Variants in DNAH2 observed in about 807,000 individuals in gnomAD.
The protein encoded by DNAH2 is axonemal beta dynein heavy chain 2.
Under a neutral mutation model 523.5 loss-of-function variants are expected in DNAH2, and 323 were observed. The observed-to-expected ratio is 0.62, with a 90% CI of 0.56 to 0.68. DNAH2 has a LOEUF of 0.68. Among genes scored for constraint, DNAH2 ranks in the 30% least tolerant of loss-of-function variants. The probability of loss-of-function intolerance (pLI) is 0.00; values close to 1 mark genes in which losing one functional copy is unlikely to be tolerated. For synonymous variants in DNAH2, 2,093 were observed against 2,177.4 expected (o/e 0.96, Z 1.08); for missense variants, 4,907 against 5,701.5 (o/e 0.86, Z 4.49).
chr17:7,795,650 A>AAT (rs1246942689), intron 49 of DNAH2, among the ~76,000 whole-genome samples: 2,687 of 97,636 alleles, frequency 0.028, 87 homozygotes, highest in African/African-American at 0.069. Context: ...CACCAGCTTG[A>AAT]ATATATATAT....
chr17:7,720,537 T>C (rs1403610016), intron 2 of DNAH2, among the ~76,000 whole-genome samples: 1 of 152,126 alleles, frequency 6.6e-6, no homozygotes, highest in Non-Finnish European at 1.5e-5. Context: ...CCGGAGCCAG[T>C]AAGGTTGGAA....
chr17:7,776,457 C>T (rs1210245794), intron 31 of DNAH2, among the ~76,000 whole-genome samples: 1 of 151,902 alleles, frequency 6.6e-6, no homozygotes, highest in African/African-American at 2.4e-5. Flanking sequence ...CAAAGCAAGA[C>T]TCTGTCTAAA....
At position 7,831,128 on chromosome 17, in the gene DNAH2, C is replaced by G. The variant is rs751710843; in HGVS notation, c.12273C>G (p.Ser4091Arg). The G allele has an allele frequency of 1.9e-6, 3 of 1,614,056 alleles. No individual in the cohort carries two copies. Among genetic ancestry groups the G allele is most frequent in the South Asian group, 2.2e-5 (2 of 91,082 alleles). Residue 4091 changes from serine to arginine, a missense_variant, in exon 80 of 86, where the codon AGC becomes AGG. Around this residue, in one of 3 missense-constraint regions of DNAH2, gnomAD observed 1,851 missense variants for 2,139.4 expected, o/e 0.87. Transcript: ENST00000572933. The surrounding 1 kb of genome is among the most constrained non-coding windows in gnomAD (Gnocchi z 4.2). Reference protein sequence around the residue: ...LETYFIPKDGSLASYKEYISL... With the variant: ...LETYFIPKDGRLASYKEYISL... ...CTTATTTCATCCCCAAGGATGGCAG[C>G]CTCGCTTCTTACAAGGAATACATCA...
At chr17:7,815,761 C>T (rs558491850) in intron 63 of DNAH2, among the ~76,000 whole-genome samples, 1 of 152,160 alleles carries the variant, frequency 6.6e-6, no homozygotes, top group African/African-American at 2.4e-5. Flanking sequence ...GGATCACACA[C>T]ACATATACAG....
intron 63 of DNAH2, among the ~76,000 whole-genome samples, chr17:7,811,252 A>G (rs2077509723): frequency 6.6e-6 from 1 of 152,254 alleles, no homozygotes; most frequent in South Asian, 2.1e-4. Context: ...CGCTCCAATA[A>G]TAACAATATA....
rs780947020 is a variant in DNAH2, at chr17:7,823,877, C to T, written c.11373C>T (p.Ile3791=). 3.1e-6 allele frequency: 5 copies of T among 1,614,160 alleles called. No homozygotes were observed. The highest frequency in any genetic ancestry group is 1.7e-5 in the Admixed American group (1 of 60,024). ...GCAATGAAATGCAACGGATGCTGAT[C>T]GTTCGCTCCCTGCGCCAGGACCGCG... is the stretch of plus-strand genomic sequence containing the variant. The part of the protein sequence containing the change: ...NACNEMQRML[I]VRSLRQDRVA... Residue 3791 remains isoleucine (I), a synonymous_variant, in exon 75 of 86, where the codon ATC becomes ATT. Coordinates refer to ENST00000572933, the MANE Select transcript of DNAH2 (RefSeq NM_020877.5).
Position 7,798,018 on chromosome 17 carries a change from G to A in DNAH2, c.8231-139G>A. ...AGGTTAAAAGTTGAATTGCCTCCTG[G>A]GCCTTGGGCACCAACTTCTTCTCAT... On this transcript the variant is annotated intron_variant, in intron 53 of 85. Coordinates refer to ENST00000572933, the MANE Select transcript of DNAH2 (RefSeq NM_020877.5). This position sits in a 1 kb window ranked among gnomAD's most constrained non-coding sequence, Gnocchi z 5.5. The A allele has an allele frequency of 7.3e-7, 1 of 1,371,518 alleles. No homozygotes were observed. Among genetic ancestry groups the A allele is most frequent in the African/African-American group, 1.5e-5 (1 of 68,912 alleles). 85.0% of individuals were successfully genotyped at this position (1,371,518 alleles called of 1,614,324 possible).
chr17:7,730,815 T>A (rs1207911712), intron 4 of DNAH2, among the ~76,000 whole-genome samples: 2 of 149,332 alleles, frequency 1.3e-5, no homozygotes, highest in South Asian at 2.1e-4. Context: ...AAAAAAAATT[T>A]AAAATTTAAA....
At chr17:7,757,356 C>CT (rs2075873262) in intron 13 of DNAH2, 119 bp downstream of exon 13, 1 of 1,313,984 alleles carries the variant, frequency 7.6e-7, no homozygotes, top group Non-Finnish European at 1.0e-6. Context: ...TCTTTTCCAT[C>CT]TCAAAAAAAA....
chr17:7,803,550 A>G (rs942486658), intron 58 of DNAH2, among the ~76,000 whole-genome samples: 8 of 152,124 alleles, frequency 5.3e-5, no homozygotes, highest in African/African-American at 1.9e-4. Context: ...GGTGCCTGTA[A>G]TGCCAGCTAC....
At chr17:7,782,284 G>T (rs1469614469) in intron 39 of DNAH2, among the ~76,000 whole-genome samples, 9 of 152,202 alleles carry the variant, frequency 5.9e-5, no homozygotes, top group Admixed American at 5.9e-4. Flanking sequence ...ATACAGGAAA[G>T]AAACTTGCTT....
At chr17:7,768,476 T>G (rs1307308186) in intron 24 of DNAH2, among the ~76,000 whole-genome samples, 1 of 152,238 alleles carries the variant, frequency 6.6e-6, no homozygotes, top group Non-Finnish European at 1.5e-5. Flanking sequence ...GCATAATGTT[T>G]TGAAATATGT....
At position 7,819,063 on chromosome 17, in the gene DNAH2, G is replaced by T; in HGVS notation, c.10815G>T (p.Glu3605Asp). ...TTEINTDLAR[E>D]AYRPCAQRAS... is the part of the protein sequence containing the mutation. ...AGATCAACACTGACTTGGCGCGGGA[G>T]GTAAGCTCCCGGCCCTCCAGTCCTG... Residue 3605 changes from glutamate to aspartate, a missense_variant and splice_region_variant, in exon 71 of 86, where the codon GAG (glutamate) becomes GAT (aspartate). By Grantham distance (45) the Glu-to-Asp change is conservative. Transcript: ENST00000572933. 6.2e-7 allele frequency: 1 copy of T among 1,604,034 alleles called. No homozygotes were observed.
At chr17:7,740,099 G>T (rs2075268705) in intron 9 of DNAH2, among the ~76,000 whole-genome samples, 161 bp downstream of exon 9, 1 of 144,938 alleles carries the variant, frequency 6.9e-6, no homozygotes, top group South Asian at 2.4e-4. Context: ...GCAGGGGAGG[G>T]GGGTGGCAGC....
At chr17:7,723,880 C>G (rs2074711698) in intron 3 of DNAH2, among the ~76,000 whole-genome samples, 191 bp downstream of exon 3, 1 of 152,164 alleles carries the variant, frequency 6.6e-6, no homozygotes, top group South Asian at 2.1e-4. Context: ...TTCGCCAGGA[C>G]AGAGGAGGGC....
At chr17:7,759,212 T>C in intron 15 of DNAH2, 88 bp downstream of exon 15, 1 of 1,564,926 alleles carries the variant, frequency 6.4e-7, no homozygotes. Flanking sequence ...CCGACCCTTT[T>C]TTCTTTTTTA....
At position 7,760,612 on chromosome 17, in the gene DNAH2, C is replaced by G; in HGVS notation, c.2786-128C>G. 2 of 808,242 alleles carry G rather than the reference C, an allele frequency of 2.5e-6. No individual in the cohort carries two copies. The highest frequency in any genetic ancestry group is 3.9e-6 in the Non-Finnish European group (2 of 509,136). 50.1% of individuals were successfully genotyped at this position (808,242 alleles called of 1,614,324 possible). On this transcript the variant is annotated intron_variant, in intron 17 of 85. Coordinates refer to ENST00000572933, the MANE Select transcript of DNAH2 (RefSeq NM_020877.5). The surrounding 1 kb of genome is among the most constrained non-coding windows in gnomAD (Gnocchi z 4.0). ...GCCTACTCCTTTACCTTCTAATGTG[C>G]ATGTTTGAGCTGTATTTCTCTGGGA...
intron 24 of DNAH2, 63 bp from the exon 25 acceptor site, chr17:7,770,189 G>A (rs555381743): frequency 4.2e-5 from 63 of 1,514,710 alleles, no homozygotes; most frequent in Non-Finnish European, 5.6e-5. Flanking sequence ...GTGTCCCAGT[G>A]GGAGACAGCA....
intron 18 of DNAH2, among the ~76,000 whole-genome samples, chr17:7,761,378 C>T (rs904246382): frequency 2.0e-5 from 3 of 152,174 alleles, no homozygotes; most frequent in African/African-American, 7.2e-5. Context: ...AGCGATCCTC[C>T]TGGCTAACGC....
Sources: gnomAD v4.1 joint callset for allele counts (sites outside exome capture counted in the v4.1 genomes callset) on GRCh38, gnomAD v4.1.1 for gene constraint, gnomAD v4.1.1 regional missense constraint, Gnocchi (gnomAD v3.1) non-coding constraint, MANE v1.5 for transcripts, NCBI Gene and HGNC (gene_info 2026-07-23, HGNC 2026-07-21) for gene names.